TTC28: variants seen among roughly 807,000 people sequenced by gnomAD.
TTC28 encodes tetratricopeptide repeat domain 28.
TTC28 carries 61 observed loss-of-function variants against 198.0 expected under a neutral mutation model. That is an observed-to-expected ratio of 0.31 (90% CI 0.25 to 0.38). The LOEUF (loss-of-function observed/expected upper bound fraction) is 0.38, where lower values mean the gene tolerates loss of function less well. Among genes scored for constraint, TTC28 ranks in the 10% least tolerant of loss-of-function variants. The pLI is 1.00. For missense variants in TTC28, 2,678 were observed against 3,164.0 expected, an observed-to-expected ratio of 0.85 and a Z score of 3.69; for synonymous variants, 1,171 against 1,297.8, an observed-to-expected ratio of 0.90 and a Z score of 2.10.
At chr22:28,116,286 C>T (rs1942628433) in intron 6 of TTC28, among the ~76,000 whole-genome samples, 1 of 152,240 alleles carries the variant, frequency 6.6e-6, no homozygotes, top group East Asian at 1.9e-4. Context: ...AGGTGAATAG[C>T]TCAGAAATTC....
At chr22:28,584,049 A>C (rs1289174707) in intron 2 of TTC28, among the ~76,000 whole-genome samples, 1 of 147,154 alleles carries the variant, frequency 6.8e-6, no homozygotes, top group Non-Finnish European at 1.5e-5. Flanking sequence ...AATCATAGAC[A>C]GCTGACTGCA....
intron 5 of TTC28, among the ~76,000 whole-genome samples, chr22:28,275,731 G>A (rs1195438013): frequency 2.7e-5 from 4 of 150,884 alleles, no homozygotes. Flanking sequence ...GGAAAGGGGA[G>A]AAAGTTTAAA....
chr22:28,252,985 A>G (rs979955500), intron 5 of TTC28, among the ~76,000 whole-genome samples: 2 of 152,154 alleles, frequency 1.3e-5, no homozygotes, highest in Non-Finnish European at 2.9e-5. Context: ...TTTTTCCTGA[A>G]ACACTCAAAT....
At chr22:28,356,549 T>C (rs180674919) in intron 2 of TTC28, among the ~76,000 whole-genome samples, 2 of 152,338 alleles carry the variant, frequency 1.3e-5, no homozygotes, top group East Asian at 3.9e-4. Flanking sequence ...TAAAAAATAT[T>C]TGCAACTTAA....
chr22:28,489,733 C>A (rs1305110913), intron 2 of TTC28, among the ~76,000 whole-genome samples: 1 of 151,792 alleles, frequency 6.6e-6, no homozygotes, highest in Non-Finnish European at 1.5e-5. Context: ...GCAGCCTGGG[C>A]AATACAGTGA....
At chr22:28,391,451 C>A (rs1359777050) in intron 2 of TTC28, among the ~76,000 whole-genome samples, 1 of 152,180 alleles carries the variant, frequency 6.6e-6, no homozygotes, top group Non-Finnish European at 1.5e-5. Flanking sequence ...CAACTTGGTT[C>A]CATTCTCCCC....
intron 2 of TTC28, among the ~76,000 whole-genome samples, chr22:28,363,626 C>T (rs2046194751): frequency 1.3e-5 from 2 of 152,200 alleles, no homozygotes; most frequent in Admixed American, 1.3e-4. Flanking sequence ...AAGCCACAGA[C>T]ACTCAATGCC....
intron 14 of TTC28, among the ~76,000 whole-genome samples, chr22:28,011,788 C>A (rs946391746): frequency 1.7e-4 from 26 of 152,104 alleles, no homozygotes; most frequent in African/African-American, 5.6e-4. Flanking sequence ...GGAGGTGACA[C>A]CTCAGCTGGG....
chr22:28,203,082 T>G (rs1926108048), intron 5 of TTC28, among the ~76,000 whole-genome samples: 1 of 152,196 alleles, frequency 6.6e-6, no homozygotes, highest in Non-Finnish European at 1.5e-5. Flanking sequence ...ACTGTATACA[T>G]CCTTCCGTAG....
At chr22:28,084,283 C>G (rs1941477514) in intron 12 of TTC28, among the ~76,000 whole-genome samples, 1 of 152,188 alleles carries the variant, frequency 6.6e-6, no homozygotes. Flanking sequence ...ACTGATACCT[C>G]ACATGGCTGG....
At chr22:28,275,182 T>C (rs1052624847) in intron 5 of TTC28, among the ~76,000 whole-genome samples, 3 of 152,184 alleles carry the variant, frequency 2.0e-5, no homozygotes, top group Non-Finnish European at 4.4e-5. Flanking sequence ...ACGGAAGTTC[T>C]ATAAGAAATT....
At chr22:28,443,909 T>C (rs1371645061) in intron 2 of TTC28, among the ~76,000 whole-genome samples, 1 of 152,198 alleles carries the variant, frequency 6.6e-6, no homozygotes, top group Non-Finnish European at 1.5e-5. Context: ...GAAAGTACTC[T>C]AGGCCAAAAT....
intron 12 of TTC28, among the ~76,000 whole-genome samples, chr22:28,090,146 TA>T (rs34493597): frequency 0.1 from 14,651 of 146,120 alleles, 815 homozygotes; most frequent in Non-Finnish European, 0.13. Context: ...TGCCTAATTG[TA>T]AAAAAAAAAA....
intron 5 of TTC28, among the ~76,000 whole-genome samples, chr22:28,279,262 C>G (rs1468597869): frequency 1.3e-5 from 2 of 152,200 alleles, no homozygotes; most frequent in Non-Finnish European, 2.9e-5. Context: ...CATTAGTATA[C>G]TTTACCCCTA....
chr22:28,205,813 G>A (rs758271178), intron 5 of TTC28, among the ~76,000 whole-genome samples: 1 of 151,964 alleles, frequency 6.6e-6, no homozygotes, highest in Non-Finnish European at 1.5e-5. Context: ...TTCACCATTA[G>A]AGATCAGACT....
chr22:28,379,099 A>C (rs1298962205), intron 2 of TTC28, among the ~76,000 whole-genome samples: 1 of 152,198 alleles, frequency 6.6e-6, no homozygotes, highest in Admixed American at 6.5e-5. Context: ...AGGTAAGTGG[A>C]GCAACATCTC....
intron 10 of TTC28, among the ~76,000 whole-genome samples, chr22:28,096,831 G>C (rs1941993530): frequency 6.6e-6 from 1 of 150,810 alleles, no homozygotes; most frequent in Non-Finnish European, 1.5e-5. Context: ...TTGAGACAGG[G>C]TCTCACTCTG....
intron 2 of TTC28, among the ~76,000 whole-genome samples, chr22:28,550,790 G>A (rs187902014): frequency 2.2e-3 from 340 of 151,986 alleles, no homozygotes; most frequent in Non-Finnish European, 3.7e-3. Flanking sequence ...TTAAAAACTA[G>A]AAAAAAATTT....
At chr22:28,062,622 C>T (rs1260570117) in intron 12 of TTC28, among the ~76,000 whole-genome samples, 1 of 152,154 alleles carries the variant, frequency 6.6e-6, no homozygotes, top group East Asian at 1.9e-4. Flanking sequence ...ACGCAAGCCA[C>T]TGTACTTGGC....
Sources: allele counts gnomAD v4.1 joint callset (sites outside exome capture counted in the v4.1 genomes callset), GRCh38; gene constraint gnomAD v4.1.1; transcripts MANE v1.5; gene names NCBI Gene and HGNC (gene_info 2026-07-23, HGNC 2026-07-21).